Variants in SPATS2 observed in about 807,000 individuals in gnomAD.
SPATS2 encodes spermatogenesis associated serine rich 2, also known as spermatogenesis-associated serine-rich protein 2.
In SPATS2, 38 loss-of-function variants were observed where a neutral mutation model predicts 63.7. That is an observed-to-expected ratio of 0.60 (90% CI 0.46 to 0.78). SPATS2 has a LOEUF of 0.78. Among genes scored for constraint, SPATS2 ranks in the 30% least tolerant of loss-of-function variants. The pLI is 0.00. For missense variants in SPATS2, 588 were observed against 666.2 expected, an observed-to-expected ratio of 0.88 and a Z score of 1.29; for synonymous variants, 207 against 232.9, an observed-to-expected ratio of 0.89 and a Z score of 1.01.
chr12:49,470,062 T>A (rs1342910127), intron 3 of SPATS2, among the ~76,000 whole-genome samples: 1 of 152,028 alleles, frequency 6.6e-6, no homozygotes, highest in African/African-American at 2.4e-5. Flanking sequence ...GAGTTTTGCT[T>A]TTGTTGCCCA....
intron 3 of SPATS2, among the ~76,000 whole-genome samples, chr12:49,468,117 C>T (rs1455558558): frequency 6.9e-6 from 1 of 145,234 alleles, no homozygotes; most frequent in Non-Finnish European, 1.5e-5. Context: ...TTTTCTCTTT[C>T]TTTCTTCTTT....
At chr12:49,514,081 C>G (rs866278213) in intron 9 of SPATS2, among the ~76,000 whole-genome samples, 17 of 151,284 alleles carry the variant, frequency 1.1e-4, no homozygotes, top group Non-Finnish European at 2.2e-4. Context: ...GGCGTGAACC[C>G]GGAAGGCGGA....
At position 49,519,181 on chromosome 12, in the gene SPATS2, A is replaced by T. The variant is rs781671020; in HGVS notation, c.1007A>T (p.Lys336Met). Residue 336 changes from lysine (K) to methionine (M), a missense_variant and splice_region_variant, in exon 11 of 14, where the codon AAG (lysine) becomes ATG (methionine). Physicochemically the swap from Lys to Met is moderately conservative, Grantham distance 95. Transcript: ENST00000552918. Reference sequence around the variant, plus strand: ...TTGGTTGAGCTCAGAGCTGATATCAAGGTAAAACTTCTTTCTGCTTTCTGC... The same window carrying T: ...TTGGTTGAGCTCAGAGCTGATATCATGGTAAAACTTCTTTCTGCTTTCTGC... ...QQLVELRADI[K>M]HFVSERKYDE... 6.2e-7 allele frequency: 1 copy of T among 1,611,182 alleles called. No homozygotes were observed. The highest frequency in any genetic ancestry group is 1.1e-5 in the South Asian group (1 of 90,380).
At chr12:49,387,945 T>G (rs1047239529) in intron 2 of SPATS2, among the ~76,000 whole-genome samples, 27 of 152,288 alleles carry the variant, frequency 1.8e-4, no homozygotes, top group African/African-American at 6.5e-4. Flanking sequence ...CCTTTTGCTT[T>G]AAGTATTTAT....
intron 4 of SPATS2, among the ~76,000 whole-genome samples, chr12:49,488,190 A>G (rs1946326650): frequency 6.6e-6 from 1 of 151,824 alleles, no homozygotes; most frequent in African/African-American, 2.4e-5. Flanking sequence ...GATTACAGGC[A>G]TGCGTCACTG....
At chr12:49,480,895 G>C (rs553564667) in intron 3 of SPATS2, among the ~76,000 whole-genome samples, 9 of 151,686 alleles carry the variant, frequency 5.9e-5, no homozygotes, top group African/African-American at 2.2e-4. Flanking sequence ...ATGATCTTCA[G>C]GTTAAATTAT....
chr12:49,426,471 C>T (rs1436165726), intron 2 of SPATS2, among the ~76,000 whole-genome samples: 1 of 152,166 alleles, frequency 6.6e-6, no homozygotes, highest in East Asian at 1.9e-4. Flanking sequence ...CTATTTTGCA[C>T]CTGACATTCT....
At chr12:49,455,718 C>T (rs1945708503) in intron 2 of SPATS2, among the ~76,000 whole-genome samples, 1 of 152,206 alleles carries the variant, frequency 6.6e-6, no homozygotes, top group Non-Finnish European at 1.5e-5. Flanking sequence ...ACCTCCTGGG[C>T]TCAAGCCATC....
chr12:49,395,158 A>T (rs1944487130), intron 2 of SPATS2, among the ~76,000 whole-genome samples: 2 of 151,334 alleles, frequency 1.3e-5, no homozygotes, highest in Non-Finnish European at 3.0e-5. Flanking sequence ...AAATTTTTTT[A>T]ATTTAAAGTA....
At chr12:49,411,492 AAGTTTATTAAAAT>A (rs1257091778) in intron 2 of SPATS2, among the ~76,000 whole-genome samples, 1 of 152,214 alleles carries the variant, frequency 6.6e-6, no homozygotes, top group African/African-American at 2.4e-5. Context: ...CAAAAAAGAA[AAGTTTATTAAAAT>A]AGTTTTCTTC....
At chr12:49,477,251 A>T (rs1418632228) in intron 3 of SPATS2, among the ~76,000 whole-genome samples, 2 of 152,212 alleles carry the variant, frequency 1.3e-5, no homozygotes, top group African/African-American at 4.8e-5. Context: ...TGTTTCCATC[A>T]AGCTCTACCT....
chr12:49,462,464 G>A (rs553619365), intron 3 of SPATS2: 39 of 701,620 alleles, frequency 5.6e-5, no homozygotes, highest in East Asian at 3.0e-4. Context: ...ATTTGTGGAC[G>A]GCTTAAGTGT....
intron 2 of SPATS2, among the ~76,000 whole-genome samples, chr12:49,402,732 G>C (rs923503334): frequency 6.6e-5 from 10 of 152,098 alleles, no homozygotes; most frequent in Admixed American, 4.6e-4. Context: ...AAAGAAGAAG[G>C]GGGTAGTGGT....
intron 10 of SPATS2, among the ~76,000 whole-genome samples, chr12:49,516,166 AATATATATATATATATAT>A (rs869230532): frequency 7.1e-4 from 22 of 30,812 alleles, no homozygotes; most frequent in Admixed American, 1.3e-3. Context: ...AAAAAAAAAA[AATATATATATATATATAT>A]ATATATATAT....
intron 2 of SPATS2, among the ~76,000 whole-genome samples, chr12:49,455,036 G>A (rs1220116639): frequency 1.3e-5 from 2 of 151,984 alleles, no homozygotes; most frequent in Admixed American, 6.6e-5. Context: ...TGCCTTTGTA[G>A]CGTTGATACG....
chr12:49,402,438 A>G (rs772147855), intron 2 of SPATS2, among the ~76,000 whole-genome samples: 17 of 152,170 alleles, frequency 1.1e-4, no homozygotes, highest in Non-Finnish European at 2.4e-4. Flanking sequence ...GAAAAGATAC[A>G]GAATGGTGAT....
chr12:49,441,793 CTTCAGATG>C (rs1460807404), intron 2 of SPATS2: 1 of 152,170 alleles, frequency 6.6e-6, no homozygotes, highest in African/African-American at 2.4e-5. Context: ...GTTCCAGTAT[CTTCAGATG>C]TTGATAAGCC....
At chr12:49,464,900 C>A (rs1945885358) in intron 3 of SPATS2, among the ~76,000 whole-genome samples, 1 of 152,152 alleles carries the variant, frequency 6.6e-6, no homozygotes, top group Non-Finnish European at 1.5e-5. Flanking sequence ...CTGCTCCCTA[C>A]CCCAGCCACA....
At chr12:49,421,416 CAAAAAAAAAAAAAAAA>C (rs71080195) in intron 2 of SPATS2, among the ~76,000 whole-genome samples, 4 of 52,112 alleles carry the variant, frequency 7.7e-5, no homozygotes, top group East Asian at 7.2e-4. Context: ...GACTTTGTCT[CAAAAAAAAAAAAAAAA>C]AAAAAAAAAA....
Sources: allele counts gnomAD v4.1 joint callset (sites outside exome capture counted in the v4.1 genomes callset), GRCh38; gene constraint gnomAD v4.1.1; transcripts MANE v1.5; gene names NCBI Gene and HGNC (gene_info 2026-07-23, HGNC 2026-07-21).